The following TYW1 variants were observed in gnomAD, a reference collection of about 807,000 sequenced individuals.
The protein encoded by TYW1 is S-adenosyl-L-methionine-dependent tRNA 4-demethylwyosine synthase TYW1.
In TYW1, 46 loss-of-function variants were observed where a neutral mutation model predicts 96.2. That is an observed-to-expected ratio of 0.48 (90% CI 0.38 to 0.61). TYW1 has a LOEUF of 0.61. Among genes scored for constraint, TYW1 ranks in the 20% least tolerant of loss-of-function variants. The probability of loss-of-function intolerance (pLI) is 0.00; values close to 1 mark genes in which losing one functional copy is unlikely to be tolerated. For synonymous variants in TYW1, 274 were observed against 323.0 expected, an observed-to-expected ratio of 0.85 and a Z score of 1.63; for missense variants, 684 against 909.6, an observed-to-expected ratio of 0.75 and a Z score of 3.19.
chr7:67,147,878 C>A lies in TYW1; in HGVS notation c.1698+30260C>A, dbSNP rs1293745807. ...GCTAAGCATTAAATCTAAGAAATAG[C>A]AAAATAAGCCTATGGAAATTAGGAA... On this transcript the variant is annotated intron_variant, in intron 13 of 15. Coordinates refer to ENST00000359626, the MANE Select transcript of TYW1 (RefSeq NM_018264.4). Among the ~76,000 whole-genome samples the A allele has an allele frequency of 2.0e-5, 3 of 149,536 alleles. No homozygotes were observed. In the South Asian group the frequency reaches 6.4e-4, roughly 32 times the overall value.
At chr7:67,001,309 G>A (rs989314693) in intron 3 of TYW1, among the ~76,000 whole-genome samples, 5 of 151,952 alleles carry the variant, frequency 3.3e-5, no homozygotes, top group African/African-American at 1.2e-4. Context: ...AAGTCTCAGT[G>A]GCTTAATGTT....
intron 13 of TYW1, among the ~76,000 whole-genome samples, chr7:67,157,818 T>A (rs1799033323): frequency 6.6e-6 from 1 of 152,162 alleles, no homozygotes; most frequent in Non-Finnish European, 1.5e-5. Context: ...GTCCCTTGAT[T>A]AGGATTTTTC....
intron 5 of TYW1, among the ~76,000 whole-genome samples, chr7:67,014,995 C>T (rs1402428159): frequency 6.6e-5 from 10 of 151,018 alleles, no homozygotes; most frequent in African/African-American, 2.2e-4. Context: ...CCACCGTGCC[C>T]GGCCTCTTCT....
chr7:67,154,942 C>A (rs1159020182), intron 13 of TYW1, among the ~76,000 whole-genome samples: 5 of 152,132 alleles, frequency 3.3e-5, no homozygotes, highest in African/African-American at 1.2e-4. Flanking sequence ...GAAGTTCTTT[C>A]TTCCACTCTA....
intron 8 of TYW1, among the ~76,000 whole-genome samples, chr7:67,055,274 A>G (rs1795472438): frequency 6.6e-6 from 1 of 152,178 alleles, no homozygotes; most frequent in South Asian, 2.1e-4. Flanking sequence ...AGAGAGGTTA[A>G]AATCTCCTCG....
At chr7:67,015,303 C>T (rs1450489575) in intron 5 of TYW1, among the ~76,000 whole-genome samples, 1 of 152,104 alleles carries the variant, frequency 6.6e-6, no homozygotes, top group Non-Finnish European at 1.5e-5. Flanking sequence ...CATGCCCAGC[C>T]TGCCCAAGCT....
intron 7 of TYW1, among the ~76,000 whole-genome samples, chr7:67,029,413 G>GTATATACATATATATATATATATATATA (rs1430069945): frequency 1.1e-5 from 1 of 93,456 alleles, no homozygotes; most frequent in African/African-American, 3.8e-5. Flanking sequence ...GTGTGTGTGT[G>GTATATACATATATATATATATATATATA]TGTATATATA....
chr7:67,195,334 A>G lies in TYW1; in HGVS notation c.1974A>G (p.Arg658=), dbSNP rs776409173. ...EHSNCLLIAH[R]KFKIGGEWWT... is the part of the protein sequence containing the mutation. ...CTAATTGCCTCCTGATAGCACACAG[A>G]AAGGTAAGAATAACTCAAACATGGA... The change falls in exon 15 of 16, where the codon AGA becomes AGG. Residue 658 remains arginine (R), a synonymous_variant. Transcript: ENST00000359626. 1.2e-6 allele frequency: 2 copies of G among 1,613,480 alleles called. No homozygotes were observed. The highest frequency in any genetic ancestry group is 1.7e-6 in the Non-Finnish European group (2 of 1,179,758).
chr7:67,170,635 A>C (rs1799487615), intron 13 of TYW1, among the ~76,000 whole-genome samples: 1 of 152,168 alleles, frequency 6.6e-6, no homozygotes, highest in African/African-American at 2.4e-5. Flanking sequence ...CCAACATAGA[A>C]TCCTGTACCC....
At chr7:67,027,747 G>C (rs147727605) in intron 7 of TYW1, among the ~76,000 whole-genome samples, 1 of 151,994 alleles carries the variant, frequency 6.6e-6, no homozygotes, top group Admixed American at 6.6e-5. Context: ...TGGCTAACAC[G>C]GTGAAACCCC....
At chr7:67,055,266 A>G (rs1420625273) in intron 8 of TYW1, among the ~76,000 whole-genome samples, 1 of 151,994 alleles carries the variant, frequency 6.6e-6, no homozygotes, top group Non-Finnish European at 1.5e-5. Context: ...TTAGAGACAG[A>G]GAGGTTAAAA....
intron 13 of TYW1, among the ~76,000 whole-genome samples, chr7:67,155,961 G>T (rs1304707307): frequency 4.6e-5 from 7 of 151,896 alleles, no homozygotes; most frequent in Non-Finnish European, 8.8e-5. Context: ...TGACTTTTTT[G>T]ATTGTAATCA....
rs757415873 is a variant in TYW1, at chr7:67,117,442, G to A, written c.1563-41G>A. On this transcript the variant is annotated intron_variant, in intron 12 of 15. Transcript: ENST00000359626. ...TTATATCATGGAAAGCCTGATAGAG[G>A]AATAATTTTTCTTTCTTCTTTTAAA... 2.3e-5 allele frequency: 36 copies of A among 1,583,366 alleles called. 1 individual carries two copies. Among genetic ancestry groups the A allele is most frequent in the Non-Finnish European group, 2.9e-5 (34 of 1,169,098 alleles).
Position 67,076,045 on chromosome 7 carries a change from G to A in TYW1, c.1275-7385G>A, listed in dbSNP as rs148362197. ...TACTGGTCAAAGCAAGCATTAAGTC[G>A]TAGCCTATTCCTCTTCTTTATTCGG... On this transcript the variant is annotated intron_variant, in intron 10 of 15. Coordinates refer to ENST00000359626, the MANE Select transcript of TYW1 (RefSeq NM_018264.4). 2.7e-4 allele frequency among the ~76,000 whole-genome samples: 41 copies of A among 152,286 alleles called. No individual in the cohort carries two copies. The East Asian group carries it at 6.6e-3, about 24-fold the overall frequency.
chr7:67,220,695 T>G (rs1176062646), intron 15 of TYW1, among the ~76,000 whole-genome samples: 1 of 152,114 alleles, frequency 6.6e-6, no homozygotes, highest in East Asian at 1.9e-4. Context: ...TTAAATCAAG[T>G]TGGCTTATCG....
chr7:67,172,818 G>A (rs1799556736), intron 13 of TYW1, among the ~76,000 whole-genome samples: 1 of 151,876 alleles, frequency 6.6e-6, no homozygotes, highest in African/African-American at 2.4e-5. Flanking sequence ...CCAGCTGAAG[G>A]ACTTTTTAAA....
chr7:67,149,072 C>A (rs1365346688), intron 13 of TYW1, among the ~76,000 whole-genome samples: 1 of 152,178 alleles, frequency 6.6e-6, no homozygotes, highest in Non-Finnish European at 1.5e-5. Context: ...ATTTCATCCT[C>A]CTTAATTTCT....
At chr7:67,019,739 A>G (rs1794174758) in intron 6 of TYW1, among the ~76,000 whole-genome samples, 1 of 152,294 alleles carries the variant, frequency 6.6e-6, no homozygotes, top group African/African-American at 2.4e-5. Context: ...TTTTGTTACA[A>G]GCAGGTTTTT....
At chr7:66,998,588 G>A (rs1356257024) in intron 2 of TYW1, among the ~76,000 whole-genome samples, 1 of 152,110 alleles carries the variant, frequency 6.6e-6, no homozygotes, top group African/African-American at 2.4e-5. Context: ...TTTTCTTGGA[G>A]GGAAAGGAAA....
Sources: gnomAD v4.1 joint callset for allele counts (sites outside exome capture counted in the v4.1 genomes callset) on GRCh38, gnomAD v4.1.1 for gene constraint, MANE v1.5 for transcripts, NCBI Gene and HGNC (gene_info 2026-07-23, HGNC 2026-07-21) for gene names.